The following CSRNP3 variants were observed in gnomAD, a reference collection of about 807,000 sequenced individuals.
CSRNP3 encodes the protein cysteine and serine rich nuclear protein 3.
CSRNP3 carries 12 observed loss-of-function variants against 48.0 expected under a neutral mutation model. The ratio of observed to expected loss-of-function variants is 0.25; its 90% confidence interval spans 0.16 to 0.41. The LOEUF is 0.41. CSRNP3 is among the 10% of genes least tolerant of loss of function. The pLI, the probability that CSRNP3 is intolerant of heterozygous loss-of-function variation, is 1.00. For missense variants in CSRNP3, 580 were observed against 724.4 expected (o/e 0.80, Z 2.29); for synonymous variants, 263 against 269.7 (o/e 0.98, Z 0.24).
intron 3 of CSRNP3, among the ~76,000 whole-genome samples, chr2:165,520,708 A>T (rs77737445): frequency 8.3e-6 from 1 of 121,152 alleles, no homozygotes; most frequent in South Asian, 2.6e-4. Flanking sequence ...CTATCTATCT[A>T]TCTGTCTATC....
chr2:165,507,733 G>A lies in CSRNP3; in HGVS notation c.-112-10140G>A, dbSNP rs553140827. ...TCTGCCACAACATGCAATGCTTCTGGGGCGTAATGAAAGTACTTAAACATG... is the reference window on the plus strand; with the variant it reads ...TCTGCCACAACATGCAATGCTTCTGAGGCGTAATGAAAGTACTTAAACATG... On this transcript the variant is annotated intron_variant, in intron 2 of 6. Coordinates refer to ENST00000651982, the MANE Select transcript of CSRNP3 (RefSeq NM_001172173.2). 2.9e-4 allele frequency among the ~76,000 whole-genome samples: 44 copies of A among 152,212 alleles called. No homozygotes were observed. In the South Asian group the frequency reaches 7.7e-3, roughly 27 times the overall value.
intron 2 of CSRNP3, among the ~76,000 whole-genome samples, chr2:165,512,557 A>C (rs1684522064): frequency 6.6e-6 from 1 of 152,244 alleles, no homozygotes; most frequent in Non-Finnish European, 1.5e-5. Flanking sequence ...CTTTACTGAA[A>C]TAGAATGACT....
Position 165,679,823 on chromosome 2 carries a change from T to C in CSRNP3, c.*70T>C. On this transcript the variant is annotated 3_prime_UTR_variant, in exon 7 of 7. Transcript: ENST00000651982. ...CTGTATTTAATTGGATTTCCTGGGC[T>C]CATCATTGTTTAAACTGAAGACCAA... is the stretch of plus-strand genomic sequence containing the variant. The C allele has an allele frequency of 6.5e-7, 1 of 1,531,000 alleles. No individual in the cohort carries two copies. The highest frequency in any genetic ancestry group is 8.8e-7 in the Non-Finnish European group (1 of 1,141,682). 94.8% of individuals were successfully genotyped at this position (1,531,000 alleles called of 1,614,324 possible).
intron 1 of CSRNP3, among the ~76,000 whole-genome samples, chr2:165,472,271 T>C (rs962325217): frequency 1.3e-5 from 2 of 152,016 alleles, no homozygotes; most frequent in Non-Finnish European, 2.9e-5. Flanking sequence ...CCAAACCATG[T>C]TTCATTAATG....
intron 4 of CSRNP3, among the ~76,000 whole-genome samples, chr2:165,608,721 G>A (rs908493884): frequency 6.6e-6 from 1 of 151,660 alleles, no homozygotes; most frequent in Non-Finnish European, 1.5e-5. Flanking sequence ...CTTTGGGGTG[G>A]TTCCTTTGTG....
chr2:165,521,210 G>A (rs2105235521), intron 3 of CSRNP3, among the ~76,000 whole-genome samples: 1 of 151,240 alleles, frequency 6.6e-6, no homozygotes, highest in East Asian at 1.9e-4. Context: ...AGATGCAGAG[G>A]GCTGGTTGAA....
In CSRNP3 at chr2:165,645,674, A is replaced by G. The variant is rs78910489; in HGVS notation, c.149-12087A>G. 8.8e-3 allele frequency among the ~76,000 whole-genome samples: 1,341 copies of G among 152,192 alleles called. 18 individuals are homozygous for G. Among genetic ancestry groups the G allele is most frequent in the African/African-American group, 0.031 (1,286 of 41,530 alleles). On this transcript the variant is annotated intron_variant, in intron 4 of 6. Coordinates refer to ENST00000651982, the MANE Select transcript of CSRNP3 (RefSeq NM_001172173.2). ...AACAGAGGGTACACAAATAAACCCA[A>G]CTGTCCCTCTCTTAGCTGCCCTTAT...
intron 3 of CSRNP3, among the ~76,000 whole-genome samples, chr2:165,557,024 C>T (rs573111110): frequency 2.0e-5 from 3 of 152,016 alleles, no homozygotes; most frequent in South Asian, 2.1e-4. Context: ...GAGCGGAAGT[C>T]GAAAAGGAAG....
chr2:165,613,348 T>C (rs34591640), intron 4 of CSRNP3, among the ~76,000 whole-genome samples: 9,837 of 152,136 alleles, frequency 0.065, 363 homozygotes, highest in Middle Eastern at 0.092. Flanking sequence ...TTTGAAAATA[T>C]TTTCTTCACT....
chr2:165,620,881 C>T (rs911618037), intron 4 of CSRNP3, among the ~76,000 whole-genome samples: 45 of 152,038 alleles, frequency 3.0e-4, no homozygotes, highest in African/African-American at 4.8e-5. Flanking sequence ...TCAAGTTTTC[C>T]TTTCCATCCC....
chr2:165,479,405 A>T (rs958217230), intron 1 of CSRNP3, among the ~76,000 whole-genome samples: 6 of 152,102 alleles, frequency 3.9e-5, no homozygotes, highest in Non-Finnish European at 5.9e-5. Flanking sequence ...TGGCTCTAAA[A>T]CTACCTGTGT....
chr2:165,673,131 C>CTTTTTGTTTTTTTTT (rs1687357732), intron 5 of CSRNP3, among the ~76,000 whole-genome samples: 1 of 67,124 alleles, frequency 1.5e-5, no homozygotes, highest in Non-Finnish European at 2.6e-5. Context: ...GTATGTAGCT[C>CTTTTTGTTTTTTTTT]TTTTTTTTTT....
At chr2:165,625,487 A>G (rs1252854914) in intron 4 of CSRNP3, among the ~76,000 whole-genome samples, 3 of 151,048 alleles carry the variant, frequency 2.0e-5, no homozygotes, top group African/African-American at 2.4e-5. Context: ...AGGAAAAGTT[A>G]GCTGAGCGTG....
chr2:165,665,548 G>A (rs953236160), intron 5 of CSRNP3, among the ~76,000 whole-genome samples: 6 of 151,910 alleles, frequency 3.9e-5, no homozygotes, highest in African/African-American at 1.5e-4. Context: ...ATTGCTGGAG[G>A]CCGGGAGTTA....
At chr2:165,504,855 C>A (rs1261613196) in intron 2 of CSRNP3, among the ~76,000 whole-genome samples, 1 of 152,076 alleles carries the variant, frequency 6.6e-6, no homozygotes, top group African/African-American at 2.4e-5. Flanking sequence ...GAGCACACCA[C>A]ATGTTAAAGA....
chr2:165,562,974 G>A (rs1685253352), intron 3 of CSRNP3, among the ~76,000 whole-genome samples: 1 of 152,116 alleles, frequency 6.6e-6, no homozygotes, highest in Admixed American at 6.6e-5. Flanking sequence ...ACCTGATGAA[G>A]GAGAGAAGAC....
rs1397428379 is a variant in CSRNP3, at chr2:165,602,906, A to AT, written c.148+7701dup. ...TTTCTTTATTTTTTTATTTTTTTTA[A>AT]TTTTTTTTGAGACAGAGTCTCGCTG... On this transcript the variant is annotated intron_variant, in intron 4 of 6. Coordinates refer to ENST00000651982, the MANE Select transcript of CSRNP3 (RefSeq NM_001172173.2). Among the ~76,000 whole-genome samples the AT allele has an allele frequency of 3.3e-5, 5 of 150,218 alleles. No homozygotes were observed. In the South Asian group the frequency reaches 6.4e-4, roughly 19 times the overall value.
At chr2:165,666,946 GAGAGAGAGGA>G (rs1687230321) in intron 5 of CSRNP3, among the ~76,000 whole-genome samples, 1 of 112,702 alleles carries the variant, frequency 8.9e-6, no homozygotes, top group African/African-American at 3.1e-5. Flanking sequence ...AAGAAAGAAA[GAGAGAGAGGA>G]AGGAAGGAAG....
At chr2:165,647,099 C>T (rs372242117) in intron 4 of CSRNP3, among the ~76,000 whole-genome samples, 3 of 151,956 alleles carry the variant, frequency 2.0e-5, no homozygotes, top group Admixed American at 6.6e-5. Flanking sequence ...AGATAGTACT[C>T]GGCATATGTA....
Sources: gnomAD v4.1 joint callset for allele counts (sites outside exome capture counted in the v4.1 genomes callset) on GRCh38, gnomAD v4.1.1 for gene constraint, MANE v1.5 for transcripts, NCBI Gene and HGNC (gene_info 2026-07-23, HGNC 2026-07-21) for gene names.